The following DDX10 variants were observed in gnomAD, a reference collection of about 807,000 sequenced individuals.
The protein encoded by DDX10 is DEAD-box helicase 10.
Under a neutral mutation model 104.3 loss-of-function variants are expected in DDX10, and 74 were observed. The ratio of observed to expected loss-of-function variants is 0.71; its 90% CI spans 0.59 to 0.86. DDX10 has a LOEUF of 0.86. Ranked by LOEUF, DDX10 falls within the 40% of genes least tolerant of loss-of-function variation. DDX10 has a pLI of 0.00. For missense variants in DDX10, 952 were observed against 1,040.0 expected (o/e 0.92, Z 1.16); for synonymous variants, 351 against 353.4 (o/e 0.99, Z 0.08).
chr11:108,740,231 G>A (rs1300636924), intron 13 of DDX10, among the ~76,000 whole-genome samples: 1 of 152,134 alleles, frequency 6.6e-6, no homozygotes, highest in African/African-American at 2.4e-5. Flanking sequence ...GAGAACATGT[G>A]GTATTTGGTT....
chr11:108,674,847 T>C (rs2094221911), intron 2 of DDX10, among the ~76,000 whole-genome samples: 1 of 152,198 alleles, frequency 6.6e-6, no homozygotes, highest in Non-Finnish European at 1.5e-5. Flanking sequence ...TCCTTCTAAC[T>C]GAAATTTTGT....
rs749934354 is a variant in DDX10 at position 108,838,569 on chromosome 11, A to G, written c.2085+4A>G. On this transcript the variant is annotated splice_donor_region_variant and intron_variant, in intron 14 of 17. Transcript: ENST00000322536. The stretch of plus-strand genomic sequence containing the variant: ...AACATTTACTGATGAAGGGGAGGTA[A>G]GATTCTAGAAGTGTTTCATTTCTGA... 1.2e-6 allele frequency: 2 copies of G among 1,604,334 alleles called. No homozygotes were observed. Among genetic ancestry groups the G allele is most frequent in the Non-Finnish European group, 1.7e-6 (2 of 1,175,886 alleles).
At chr11:108,767,980 A>G (rs1591813092) in intron 13 of DDX10, 1 of 152,194 alleles carries the variant, frequency 6.6e-6, no homozygotes, top group Non-Finnish European at 1.5e-5. Context: ...CTTTATAATG[A>G]TCCACTTCCA....
At chr11:108,929,135 A>G (rs375965504) in intron 17 of DDX10, among the ~76,000 whole-genome samples, 7 of 152,366 alleles carry the variant, frequency 4.6e-5, no homozygotes, top group East Asian at 1.9e-4. Flanking sequence ...CTAGTTTACC[A>G]TGTGACTGGC....
At chr11:108,717,079 A>G (rs1306822204) in intron 11 of DDX10, among the ~76,000 whole-genome samples, 2 of 152,136 alleles carry the variant, frequency 1.3e-5, no homozygotes, top group Non-Finnish European at 2.9e-5. Flanking sequence ...CATTTATTGC[A>G]TTTACAAGAT....
chr11:108,849,719 G>T (rs930121214), intron 15 of DDX10, among the ~76,000 whole-genome samples: 1 of 151,538 alleles, frequency 6.6e-6, no homozygotes, highest in African/African-American at 2.4e-5. Context: ...TTTGGTACCA[G>T]TATGTCCTCA....
intron 15 of DDX10, among the ~76,000 whole-genome samples, chr11:108,848,722 G>A (rs1591834580): frequency 1.3e-5 from 2 of 152,172 alleles, no homozygotes; most frequent in South Asian, 4.2e-4. Context: ...CTATTTTCAT[G>A]CTTCCTTTTG....
intron 13 of DDX10, among the ~76,000 whole-genome samples, chr11:108,726,253 A>G (rs2094305314): frequency 6.6e-6 from 1 of 152,082 alleles, no homozygotes; most frequent in Admixed American, 6.6e-5. Flanking sequence ...TGAATCAGCT[A>G]GTTACTTCGT....
At chr11:108,774,149 A>G (rs2094366854) in intron 13 of DDX10, among the ~76,000 whole-genome samples, 1 of 152,250 alleles carries the variant, frequency 6.6e-6, no homozygotes, top group Non-Finnish European at 1.5e-5. Context: ...ACCAGTAGGA[A>G]ATGTGGAATA....
chr11:108,894,739 TAAA>T (rs1396436960), intron 16 of DDX10, among the ~76,000 whole-genome samples: 1 of 151,996 alleles, frequency 6.6e-6, no homozygotes, highest in Non-Finnish European at 1.5e-5. Context: ...TACTTTGTCA[TAAA>T]AAATTAAAGC....
intron 16 of DDX10, among the ~76,000 whole-genome samples, chr11:108,916,490 G>A (rs1863752583): frequency 6.6e-6 from 1 of 152,128 alleles, no homozygotes; most frequent in African/African-American, 2.4e-5. Flanking sequence ...GGTTATCAAA[G>A]AATGTTAGAG....
intron 16 of DDX10, among the ~76,000 whole-genome samples, chr11:108,871,503 A>G (rs1455826178): frequency 6.6e-6 from 1 of 152,200 alleles, no homozygotes; most frequent in Non-Finnish European, 1.5e-5. Context: ...TAGCAGTGAG[A>G]AAAGAAAGAA....
At chr11:108,681,304 C>T (rs1258094628) in intron 6 of DDX10, among the ~76,000 whole-genome samples, 4 of 151,996 alleles carry the variant, frequency 2.6e-5, no homozygotes, top group South Asian at 2.1e-4. Flanking sequence ...TTTTGAAACC[C>T]GGTCCCATCA....
At chr11:108,732,325 A>T (rs1399611204) in intron 13 of DDX10, among the ~76,000 whole-genome samples, 1 of 152,196 alleles carries the variant, frequency 6.6e-6, no homozygotes, top group African/African-American at 2.4e-5. Context: ...GTTAGCAGTT[A>T]AACCTATTTG....
intron 16 of DDX10, among the ~76,000 whole-genome samples, chr11:108,871,087 T>C (rs757002284): frequency 9.2e-5 from 14 of 152,104 alleles, no homozygotes; most frequent in Non-Finnish European, 2.1e-4. Context: ...AGATAGATAT[T>C]AGCACACATG....
At chr11:108,916,140 A>T (rs999597071) in intron 16 of DDX10, among the ~76,000 whole-genome samples, 1 of 152,054 alleles carries the variant, frequency 6.6e-6, no homozygotes, top group Non-Finnish European at 1.5e-5. Context: ...TTTAGGTGTA[A>T]AGGTGTCCTG....
chr11:108,869,045 G>A (rs1863045516), intron 16 of DDX10, among the ~76,000 whole-genome samples: 1 of 150,880 alleles, frequency 6.6e-6, no homozygotes, highest in Non-Finnish European at 1.5e-5. Flanking sequence ...TGAAAGTCTG[G>A]GCAGGAAATA....
At chr11:108,755,682 T>C (rs1473239584) in intron 13 of DDX10, among the ~76,000 whole-genome samples, 2 of 152,062 alleles carry the variant, frequency 1.3e-5, no homozygotes, top group Non-Finnish European at 2.9e-5. Flanking sequence ...AGAAGCTTAC[T>C]TTTATGAGAC....
At chr11:108,792,310 C>T (rs2134549221) in intron 13 of DDX10, among the ~76,000 whole-genome samples, 1 of 152,208 alleles carries the variant, frequency 6.6e-6, no homozygotes, top group South Asian at 2.1e-4. Flanking sequence ...AGTTTATATG[C>T]ATTATGTTCT....
Sources: allele counts gnomAD v4.1 joint callset (sites outside exome capture counted in the v4.1 genomes callset), GRCh38; gene constraint gnomAD v4.1.1; transcripts MANE v1.5; gene names NCBI Gene and HGNC (gene_info 2026-07-23, HGNC 2026-07-21).